Variants in ODAD4 observed in about 807,000 individuals in gnomAD.
The protein encoded by ODAD4 is outer dynein arm-docking complex subunit 4.
ODAD4 carries 49 observed loss-of-function variants against 51.8 expected under a neutral mutation model. The observed-to-expected ratio is 0.95, with a 90% CI of 0.75 to 1.20. The LOEUF (loss-of-function observed/expected upper bound fraction) is 1.20, where lower values mean the gene tolerates loss of function less well. Among genes scored for constraint, ODAD4 ranks in the 50% most tolerant of loss-of-function variants. The pLI is 0.00. For missense variants in ODAD4, 590 were observed against 586.5 expected (o/e 1.01, Z -0.06); for synonymous variants, 235 against 221.3 (o/e 1.06, Z -0.55).
intron 10 of ODAD4, among the ~76,000 whole-genome samples, chr17:41,956,406 G>A (rs543871687): frequency 1.7e-4 from 25 of 149,740 alleles, no homozygotes; most frequent in African/African-American, 6.1e-4. Context: ...GGCTGGTCTC[G>A]AACTCCTGAC....
At chr17:41,955,170 CGTT>C in intron 9 of ODAD4, 44 bp from the exon 10 acceptor site, 1 of 748,482 alleles carries the variant, frequency 1.3e-6, no homozygotes, top group Non-Finnish European at 2.5e-6. Context: ...ATGCACCACA[CGTT>C]GTCACACTCT....
At chr17:41,957,416 G>A (rs782240017) in intron 10 of ODAD4, among the ~76,000 whole-genome samples, 7 of 151,984 alleles carry the variant, frequency 4.6e-5, no homozygotes, top group Non-Finnish European at 8.8e-5. Flanking sequence ...ATCTAATGCC[G>A]CCACTGATCT....
chr17:41,936,621 C>T, intron 4 of ODAD4, 87 bp downstream of exon 4: 2 of 1,513,766 alleles, frequency 1.3e-6, no homozygotes, highest in East Asian at 4.5e-5. Flanking sequence ...TAGCTGCAAC[C>T]TGACCAGGCA....
chr17:41,931,441 C>G (rs1203471050), intron 1 of ODAD4, among the ~76,000 whole-genome samples: 1 of 152,322 alleles, frequency 6.6e-6, no homozygotes, highest in East Asian at 1.9e-4. Flanking sequence ...GCCTTACCTT[C>G]CCATCATTTG....
intron 7 of ODAD4, among the ~76,000 whole-genome samples, chr17:41,941,155 A>G (rs1598075930): frequency 6.6e-6 from 1 of 152,162 alleles, no homozygotes. Context: ...CCCACAACTC[A>G]GTCCAGACCA....
chr17:41,954,945 AC>A, intron 9 of ODAD4: 1 of 519,944 alleles, frequency 1.9e-6, no homozygotes, highest in South Asian at 1.8e-5. Flanking sequence ...TGATGTATGC[AC>A]TAGACTGCAC....
chr17:41,936,977 T>C, intron 5 of ODAD4, 50 bp downstream of exon 5: 1 of 1,599,754 alleles, frequency 6.3e-7, no homozygotes, highest in Non-Finnish European at 8.5e-7. Flanking sequence ...GAAATCTGGG[T>C]GGATGCTTCA....
At chr17:41,953,154 G>A (rs1399349967) in intron 9 of ODAD4, among the ~76,000 whole-genome samples, 4 of 151,916 alleles carry the variant, frequency 2.6e-5, no homozygotes, top group African/African-American at 4.8e-5. Flanking sequence ...TCTGCCTTCC[G>A]ATTTCAAGCG....
Position 41,941,562 on chromosome 17 carries a change from G to T in ODAD4, c.1058+2390G>T, listed in dbSNP as rs563445587. Among the ~76,000 whole-genome samples, 406 of 152,262 alleles carry T rather than the reference G, an allele frequency of 2.7e-3. 3 individuals are homozygous for T. Among genetic ancestry groups the T allele is most frequent in the African/African-American group, 9.4e-3 (391 of 41,558 alleles). The stretch of plus-strand genomic sequence containing the variant: ...GTGGATCACGAGGTCAGGAGATCGA[G>T]ACCATCCTGGCTAACACGGTGAAAC... On this transcript the variant is annotated intron_variant, in intron 7 of 11. Coordinates refer to ENST00000377540, the MANE Select transcript of ODAD4 (RefSeq NM_031421.5).
chr17:41,954,894 A>G (rs1555640760), intron 9 of ODAD4: 2 of 303,120 alleles, frequency 6.6e-6, no homozygotes. Context: ...CAATCTAAAG[A>G]TGGAGCAGGA....
At position 41,930,852 on chromosome 17, in the gene ODAD4, C is replaced by G; in HGVS notation, c.114+15C>G. 1.2e-6 allele frequency: 1 copy of G among 808,800 alleles called. No homozygotes were observed. The highest frequency in any genetic ancestry group is 2.0e-6 in the Non-Finnish European group (1 of 507,892). 50.1% of individuals were successfully genotyped at this position (808,800 alleles called of 1,614,324 possible). A position where few individuals can be genotyped will look rare whatever the true frequency, so the allele number is the denominator to read the frequency against. On this transcript the variant is annotated intron_variant, in intron 1 of 11. Coordinates refer to ENST00000377540, the MANE Select transcript of ODAD4 (RefSeq NM_031421.5). Reference sequence around the variant, plus strand: ...GCTTCAGCAACGTGAGTCGAGCTCTCAACCTATCCATCACCCCATCACCCG... The same window carrying G: ...GCTTCAGCAACGTGAGTCGAGCTCTGAACCTATCCATCACCCCATCACCCG...
chr17:41,955,382 T>G (rs1228492526), intron 10 of ODAD4, 65 bp downstream of exon 10: 4 of 716,164 alleles, frequency 5.6e-6, no homozygotes, highest in African/African-American at 1.7e-5. Context: ...GGCCTTCAGT[T>G]CCCCCTCAGC....
intron 9 of ODAD4, 174 bp from the exon 10 acceptor site, chr17:41,955,043 G>A (rs781944367): frequency 1.4e-5 from 10 of 705,248 alleles, no homozygotes; most frequent in African/African-American, 5.2e-5. Context: ...CCAGGAACAC[G>A]GTGGAAAGGA....
At position 41,932,231 on chromosome 17, in the gene ODAD4, G is replaced by A. The variant is rs187103492; in HGVS notation, c.114+1394G>A. Among the ~76,000 whole-genome samples the A allele has an allele frequency of 7.8e-4, 118 of 152,154 alleles. 1 individual carries two copies. In the South Asian group the frequency reaches 0.012, roughly 16 times the overall value. ...ATCCCAGGCATGCACCACCATGCTC[G>A]GCTAATTTTGTATTTTTAGTAGAGA... On this transcript the variant is annotated intron_variant, in intron 1 of 11. Transcript: ENST00000377540.
chr17:41,962,482 C>T (rs1187032213), intron 11 of ODAD4, among the ~76,000 whole-genome samples: 1 of 152,110 alleles, frequency 6.6e-6, no homozygotes, highest in Non-Finnish European at 1.5e-5. Flanking sequence ...TGGAGAGGGG[C>T]CTAGAGGAAC....
chr17:41,946,856 C>CTT (rs79664258), intron 8 of ODAD4, among the ~76,000 whole-genome samples: 2 of 130,408 alleles, frequency 1.5e-5, no homozygotes, highest in Non-Finnish European at 1.7e-5. Flanking sequence ...TTTTTCTTTT[C>CTT]TTTTTTTTTT....
chr17:41,944,444 A>ACACACACACACACAC (rs1191101800), intron 7 of ODAD4, among the ~76,000 whole-genome samples: 35 of 19,560 alleles, frequency 1.8e-3, no homozygotes, highest in East Asian at 9.8e-3. Flanking sequence ...ACACACACAC[A>ACACACACACACACAC]CCCCCCCGCA....
chr17:41,930,778 G>A lies in ODAD4; in HGVS notation c.55G>A (p.Glu19Lys), dbSNP rs201321025. The change falls in exon 1 of 12, where the codon GAA becomes AAA. Residue 19 changes from glutamate to lysine, a missense_variant. By Grantham distance (56) the Glu-to-Lys change is moderately conservative. This residue lies in a region of ODAD4 where 360 missense variants were observed against 407.5 expected (regional missense o/e 0.88). Transcript: ENST00000377540. ...LRSTFPSYMA[E>K]GERLYLCGEF... ...AAGCACCTTTCCCTCTTATATGGCCGAAGGCGAGCGGCTCTACCTGTGCGG... is the reference window on the plus strand; with the variant it reads ...AAGCACCTTTCCCTCTTATATGGCCAAAGGCGAGCGGCTCTACCTGTGCGG... 174 of 1,609,000 alleles carry A rather than the reference G, an allele frequency of 1.1e-4. 2 individuals carry two copies. In the African/African-American group the frequency reaches 1.3e-3, roughly 12 times the overall value.
intron 7 of ODAD4, 145 bp downstream of exon 7, chr17:41,939,317 C>G: frequency 1.2e-6 from 1 of 834,102 alleles, no homozygotes; most frequent in Non-Finnish European, 1.8e-6. Context: ...AGGTGGGGAC[C>G]ACCTGCCCAG....
Sources: allele counts gnomAD v4.1 joint callset (sites outside exome capture counted in the v4.1 genomes callset), GRCh38; gene constraint gnomAD v4.1.1; regional missense constraint gnomAD v4.1.1; transcripts MANE v1.5; gene names NCBI Gene and HGNC (gene_info 2026-07-23, HGNC 2026-07-21).